Variants in KCTD8 observed in about 807,000 individuals in gnomAD.
KCTD8 encodes BTB/POZ domain-containing protein KCTD8.
In KCTD8, 27 loss-of-function variants were observed where a neutral mutation model predicts 31.5. The observed-to-expected ratio is 0.86, with a 90% CI of 0.63 to 1.18. The LOEUF (loss-of-function observed/expected upper bound fraction) is 1.18. Among genes scored for constraint, KCTD8 ranks in the 50% most tolerant of loss-of-function variants. The pLI is 0.00. For missense variants in KCTD8, 658 were observed against 647.7 expected (o/e 1.02, Z -0.17); for synonymous variants, 290 against 280.0 (o/e 1.04, Z -0.36).
chr4:44,433,422 A>G (rs1405939750), intron 1 of KCTD8, among the ~76,000 whole-genome samples: 1 of 151,784 alleles, frequency 6.6e-6, no homozygotes, highest in Non-Finnish European at 1.5e-5. Flanking sequence ...TTGGTTTCCC[A>G]GTTTCTTCTG....
intron 1 of KCTD8, among the ~76,000 whole-genome samples, chr4:44,444,315 T>C (rs1486349096): frequency 6.6e-6 from 1 of 152,188 alleles, no homozygotes; most frequent in Non-Finnish European, 1.5e-5. Flanking sequence ...AATTGGAATA[T>C]GATTAGCAAC....
intron 1 of KCTD8, among the ~76,000 whole-genome samples, chr4:44,325,598 T>A (rs1718422884): frequency 1.3e-5 from 2 of 152,016 alleles, no homozygotes; most frequent in East Asian, 3.9e-4. Context: ...AAACATCTCA[T>A]GTATCCCATA....
chr4:44,379,108 C>A (rs1415656280), intron 1 of KCTD8, among the ~76,000 whole-genome samples: 1 of 152,074 alleles, frequency 6.6e-6, no homozygotes, highest in Non-Finnish European at 1.5e-5. Flanking sequence ...AGGATAATAT[C>A]CCCATCTCAA....
intron 1 of KCTD8, among the ~76,000 whole-genome samples, chr4:44,412,570 C>A (rs1388341662): frequency 6.6e-6 from 1 of 152,110 alleles, no homozygotes; most frequent in East Asian, 1.9e-4. Flanking sequence ...ATTCTGAATG[C>A]ATCACATCTA....
intron 1 of KCTD8, among the ~76,000 whole-genome samples, chr4:44,272,142 A>ATATATATATATATATAT (rs1560412318): frequency 2.2e-5 from 3 of 135,744 alleles, no homozygotes; most frequent in African/African-American, 1.0e-4. Context: ...TATATATATA[A>ATATATATATATATATAT]ATGCTGAACC....
intron 1 of KCTD8, among the ~76,000 whole-genome samples, chr4:44,301,469 G>C (rs1717620030): frequency 6.6e-6 from 1 of 152,350 alleles, no homozygotes; most frequent in South Asian, 2.1e-4. Flanking sequence ...GATGGCCAGT[G>C]ATGATGAGCA....
chr4:44,264,699 C>A (rs183270394), intron 1 of KCTD8, among the ~76,000 whole-genome samples: 1 of 152,156 alleles, frequency 6.6e-6, no homozygotes, highest in African/African-American at 2.4e-5. Context: ...TGCTCTTTTC[C>A]GATGGGCTTA....
chr4:44,319,786 C>A (rs1198335727), intron 1 of KCTD8, among the ~76,000 whole-genome samples: 1 of 152,048 alleles, frequency 6.6e-6, no homozygotes, highest in Non-Finnish European at 1.5e-5. Context: ...CTGGAAGTTG[C>A]AAATTATAGG....
At chr4:44,438,656 C>A (rs964713642) in intron 1 of KCTD8, among the ~76,000 whole-genome samples, 1 of 152,082 alleles carries the variant, frequency 6.6e-6, no homozygotes, top group South Asian at 2.1e-4. Flanking sequence ...AAAGTAAGAA[C>A]TCATTAATGA....
At chr4:44,240,720 A>G (rs963952631) in intron 1 of KCTD8, among the ~76,000 whole-genome samples, 1 of 152,174 alleles carries the variant, frequency 6.6e-6, no homozygotes, top group African/African-American at 2.4e-5. Context: ...CTTCAGGAGT[A>G]CAGGGCCAGA....
At position 44,348,545 on chromosome 4, in the gene KCTD8, A is replaced by C. The variant is rs557046250; in HGVS notation, c.961+99018T>G. On this transcript the variant is annotated intron_variant, in intron 1 of 1. Transcript: ENST00000360029. Reference sequence around the variant, plus strand: ...TCAATGATATTCATTCTAATAGTTAATATATGTGTGTCTTCACTACTGTAA... The same window carrying C: ...TCAATGATATTCATTCTAATAGTTACTATATGTGTGTCTTCACTACTGTAA... 3.9e-5 allele frequency among the ~76,000 whole-genome samples: 6 copies of C among 152,320 alleles called. No homozygotes were observed. The South Asian group carries it at 1.2e-3, about 32-fold the overall frequency.
At chr4:44,446,775 C>T (rs1456435207) in intron 1 of KCTD8, among the ~76,000 whole-genome samples, 1 of 152,166 alleles carries the variant, frequency 6.6e-6, no homozygotes. Context: ...CTTCCCCTCC[C>T]TCCCCAACAC....
At chr4:44,331,758 T>C (rs1718595669) in intron 1 of KCTD8, among the ~76,000 whole-genome samples, 1 of 149,398 alleles carries the variant, frequency 6.7e-6, no homozygotes, top group Non-Finnish European at 1.5e-5. Flanking sequence ...TACAGCTTTA[T>C]AGAGAGAGTG....
intron 1 of KCTD8, among the ~76,000 whole-genome samples, chr4:44,326,183 C>T (rs940975125): frequency 6.6e-6 from 1 of 151,756 alleles, no homozygotes; most frequent in African/African-American, 2.4e-5. Context: ...AAAGCATCTT[C>T]CATGTTCAAG....
At chr4:44,376,598 T>A (rs1428760071) in intron 1 of KCTD8, among the ~76,000 whole-genome samples, 1 of 152,126 alleles carries the variant, frequency 6.6e-6, no homozygotes, top group Admixed American at 6.5e-5. Flanking sequence ...TTAGTACATG[T>A]GAGAAACACA....
chr4:44,316,903 A>C (rs936918597), intron 1 of KCTD8, among the ~76,000 whole-genome samples: 1 of 150,486 alleles, frequency 6.6e-6, no homozygotes, highest in Non-Finnish European at 1.5e-5. Flanking sequence ...ACATGAACTC[A>C]GGAGGCAGGG....
intron 1 of KCTD8, among the ~76,000 whole-genome samples, chr4:44,257,221 C>T (rs552929315): frequency 6.6e-6 from 1 of 151,884 alleles, no homozygotes; most frequent in Admixed American, 6.6e-5. Context: ...GTATTTTATA[C>T]TTCAATAATA....
intron 1 of KCTD8, among the ~76,000 whole-genome samples, chr4:44,275,026 T>A (rs1716713729): frequency 6.6e-6 from 1 of 151,996 alleles, no homozygotes; most frequent in Non-Finnish European, 1.5e-5. Context: ...TTTCTAAGAA[T>A]ATATGTCTTG....
rs565578858 is a variant in KCTD8, at chr4:44,373,787, C to A, written c.961+73776G>T. 3.3e-5 allele frequency among the ~76,000 whole-genome samples: 5 copies of A among 152,130 alleles called. No homozygotes were observed. In the South Asian group the frequency reaches 1.0e-3, roughly 32 times the overall value. ...ACTCTCCTTCTCTTACTTTCCCATG[C>A]CACATTCCCTTCTAAAAAGAATAAG... On this transcript the variant is annotated intron_variant, in intron 1 of 1. Transcript: ENST00000360029.
Sources: allele counts gnomAD v4.1 joint callset (sites outside exome capture counted in the v4.1 genomes callset), GRCh38; gene constraint gnomAD v4.1.1; transcripts MANE v1.5; gene names NCBI Gene and HGNC (gene_info 2026-07-23, HGNC 2026-07-21).